FRAS1: variants seen among roughly 807,000 people sequenced by gnomAD.
FRAS1 encodes the protein extracellular matrix organizing protein FRAS1.
A neutral mutation model predicts 435.2 loss-of-function variants in FRAS1; 290 were observed. The observed-to-expected ratio is 0.67, with a 90% CI of 0.61 to 0.73. The LOEUF is 0.73. FRAS1 is among the 30% of genes least tolerant of loss of function. The pLI, the probability that FRAS1 is intolerant of heterozygous loss-of-function variation, is 0.00. For synonymous variants in FRAS1, 1,800 were observed against 1,851.0 expected (o/e 0.97, Z 0.71); for missense variants, 4,860 against 5,001.5 (o/e 0.97, Z 0.85).
chr4:78,500,143 A>C (rs1384348121), intron 61 of FRAS1, among the ~76,000 whole-genome samples: 2 of 152,178 alleles, frequency 1.3e-5, no homozygotes, highest in African/African-American at 4.8e-5. Flanking sequence ...CATGCTGGGC[A>C]TTTTGGTTCA....
chr4:78,126,681 G>T (rs537407996), intron 2 of FRAS1, among the ~76,000 whole-genome samples: 1 of 152,050 alleles, frequency 6.6e-6, no homozygotes, highest in Non-Finnish European at 1.5e-5. Flanking sequence ...CTAATCTTTT[G>T]TTTTATTTTT....
intron 46 of FRAS1, 140 bp from the exon 47 acceptor site, chr4:78,452,035 C>A: frequency 2.4e-6 from 3 of 1,231,904 alleles, no homozygotes; most frequent in Non-Finnish European, 3.4e-6. Flanking sequence ...CTTTATTGCA[C>A]GAAGCCCTGG....
chr4:78,519,273 G>T, intron 66 of FRAS1, 58 bp from the exon 67 acceptor site: 2 of 1,419,976 alleles, frequency 1.4e-6, no homozygotes, highest in East Asian at 2.6e-5. Context: ...TGTGGTGATA[G>T]TATGTCTTTT....
chr4:78,121,483 A>G (rs769958732), intron 2 of FRAS1, among the ~76,000 whole-genome samples: 2 of 152,214 alleles, frequency 1.3e-5, no homozygotes, highest in Non-Finnish European at 2.9e-5. Context: ...ATGAGTCCAC[A>G]GAGCCCTAGT....
At chr4:78,439,874 A>C (rs1254402624) in intron 40 of FRAS1, among the ~76,000 whole-genome samples, 1 of 152,142 alleles carries the variant, frequency 6.6e-6, no homozygotes, top group Non-Finnish European at 1.5e-5. Context: ...GAAACCCCCT[A>C]GTGCAGTACC....
At chr4:78,373,428 A>G (rs116772139) in intron 24 of FRAS1, among the ~76,000 whole-genome samples, 2,144 of 148,902 alleles carry the variant, frequency 0.014, 57 homozygotes, top group African/African-American at 0.05. Context: ...TCAGCAAAAC[A>G]GTACTGAGAG....
intron 67 of FRAS1, among the ~76,000 whole-genome samples, chr4:78,519,791 T>C (rs959818449): frequency 6.6e-6 from 1 of 152,200 alleles, no homozygotes; most frequent in African/African-American, 2.4e-5. Flanking sequence ...CCAAATGATT[T>C]TCATTTTCTC....
At chr4:78,397,976 T>A (rs1336295944) in intron 29 of FRAS1, among the ~76,000 whole-genome samples, 3 of 152,162 alleles carry the variant, frequency 2.0e-5, no homozygotes, top group Admixed American at 1.3e-4. Context: ...TTTTTTTCTT[T>A]TACTCCACTG....
rs750941616 is a variant in FRAS1 at position 78,308,058 on chromosome 4, G to C, written c.1535-8G>C. 16 of 1,588,422 alleles carry C rather than the reference G, an allele frequency of 1.0e-5. No individual in the cohort carries two copies. In the South Asian group the frequency reaches 1.3e-4, roughly 12 times the overall value. ...AGATTACTCACTGATTTTGCTATTC[G>C]TCTGCAGTCTGCCATGAGTCCTGTG... is the stretch of plus-strand genomic sequence containing the variant. On this transcript the variant is annotated splice_polypyrimidine_tract_variant and splice_region_variant and intron_variant, in intron 14 of 73. Coordinates refer to ENST00000512123, the MANE Select transcript of FRAS1 (RefSeq NM_025074.7).
intron 2 of FRAS1, among the ~76,000 whole-genome samples, chr4:78,151,440 T>G (rs1720657742): frequency 6.6e-6 from 1 of 152,124 alleles, no homozygotes; most frequent in Admixed American, 6.5e-5. Context: ...TGTCTCATCA[T>G]TAGTAGTTAG....
chr4:78,197,985 G>A (rs1301777521), intron 2 of FRAS1, among the ~76,000 whole-genome samples: 2 of 151,574 alleles, frequency 1.3e-5, no homozygotes, highest in Admixed American at 1.3e-4. Context: ...TTTATAGCAG[G>A]ACTATGTAGC....
At chr4:78,483,773 T>A (rs1342958116) in intron 58 of FRAS1, among the ~76,000 whole-genome samples, 4 of 44,988 alleles carry the variant, frequency 8.9e-5, no homozygotes, top group African/African-American at 2.6e-4. Context: ...AAAAACTCTC[T>A]CTCTCTCTCT....
intron 2 of FRAS1, among the ~76,000 whole-genome samples, chr4:78,134,675 G>A (rs1024025344): frequency 2.0e-5 from 3 of 152,082 alleles, no homozygotes; most frequent in African/African-American, 7.2e-5. Flanking sequence ...CAGTAACCTG[G>A]ATCTGTGTGT....
intron 29 of FRAS1, among the ~76,000 whole-genome samples, chr4:78,394,873 A>G (rs1416125748): frequency 4.6e-5 from 7 of 151,880 alleles, no homozygotes; most frequent in African/African-American, 1.4e-4. Flanking sequence ...GTCTTATTCA[A>G]TTTCTTTCAC....
intron 64 of FRAS1, 124 bp from the exon 65 acceptor site, chr4:78,513,268 C>A: frequency 1.1e-6 from 1 of 883,258 alleles, no homozygotes; most frequent in Non-Finnish European, 1.8e-6. Flanking sequence ...ACCTGGAAAG[C>A]TTCAGGAAGA....
rs531480547 is a variant in FRAS1, at chr4:78,222,405, T to C, written c.109-15105T>C. Among the ~76,000 whole-genome samples the C allele has an allele frequency of 9.5e-4, 144 of 152,316 alleles. 1 individual carries two copies. Among genetic ancestry groups the C allele is most frequent in the African/African-American group, 3.2e-3 (133 of 41,566 alleles). ...AGAAACTCATTGTCTTCTATTTCCG[T>C]AACAGCTCCTAACCACTAGTCGGGC... On this transcript the variant is annotated intron_variant, in intron 2 of 73. Coordinates refer to ENST00000512123, the MANE Select transcript of FRAS1 (RefSeq NM_025074.7).
intron 64 of FRAS1, among the ~76,000 whole-genome samples, chr4:78,512,371 T>C (rs916189012): frequency 5.9e-5 from 9 of 152,174 alleles, no homozygotes; most frequent in African/African-American, 2.2e-4. Context: ...TGTATCTTGG[T>C]GACCCCTTCC....
chr4:78,502,996 T>G (rs1353307627), intron 61 of FRAS1, among the ~76,000 whole-genome samples: 1 of 152,244 alleles, frequency 6.6e-6, no homozygotes, highest in African/African-American at 2.4e-5. Flanking sequence ...TCACTGGTTC[T>G]GTTTATGTGA....
intron 2 of FRAS1, among the ~76,000 whole-genome samples, chr4:78,083,624 C>CTTT (rs1446958361): frequency 4.0e-5 from 3 of 74,092 alleles, no homozygotes; most frequent in African/African-American, 1.8e-4. Context: ...CATGCAAGTT[C>CTTT]TGTTTTTTTT....
Sources: allele counts gnomAD v4.1 joint callset (sites outside exome capture counted in the v4.1 genomes callset), GRCh38; gene constraint gnomAD v4.1.1; transcripts MANE v1.5; gene names NCBI Gene and HGNC (gene_info 2026-07-23, HGNC 2026-07-21).